PHEX: variants seen among roughly 807,000 people sequenced by gnomAD.
PHEX encodes the protein phosphate regulating endopeptidase X-linked.
PHEX carries 16 observed loss-of-function variants against 68.0 expected under a neutral mutation model. The observed-to-expected ratio is 0.24, with a 90% CI of 0.16 to 0.36. PHEX has a LOEUF of 0.36. PHEX is among the 10% of genes least tolerant of loss of function. The pLI, the probability that PHEX is intolerant of heterozygous loss-of-function variation, is 1.00. For synonymous variants in PHEX, 208 were observed against 205.1 expected (o/e 1.01, Z -0.12); for missense variants, 480 against 575.5 (o/e 0.83, Z 1.70).
chrX:22,036,028 ACACG>A (rs1422561240), intron 1 of PHEX, among the ~76,000 whole-genome samples: 5 of 87,566 alleles, frequency 5.7e-5, no homozygotes, highest in African/African-American at 2.1e-4. Flanking sequence ...ACACACACAC[ACACG>A]TACATATATA....
chrX:22,192,147 G>T (rs1172568927), intron 15 of PHEX, among the ~76,000 whole-genome samples: 1 of 98,036 alleles, frequency 1.0e-5, no homozygotes, highest in Non-Finnish European at 2.0e-5. Flanking sequence ...ATCTCTTAAT[G>T]ATGGCATGCC....
chrX:22,227,438 C>T, intron 19 of PHEX, 69 bp from the exon 20 acceptor site: 1 of 713,476 alleles, frequency 1.4e-6, no homozygotes, highest in Non-Finnish European at 2.3e-6. Flanking sequence ...ATTTGCTATT[C>T]CTGTGCTAGC....
chrX:22,074,197 T>C (rs1431759279), intron 3 of PHEX, among the ~76,000 whole-genome samples: 1 of 110,530 alleles, frequency 9.0e-6, no homozygotes, highest in Admixed American at 9.8e-5. Flanking sequence ...TTACTGCTAA[T>C]TCACATGCAG....
intron 12 of PHEX, among the ~76,000 whole-genome samples, chrX:22,152,197 C>A (rs965434682): frequency 9.1e-6 from 1 of 109,351 alleles, no homozygotes; most frequent in African/African-American, 3.3e-5. Flanking sequence ...GGGTGAGTTG[C>A]GCTCATTTTC....
intron 3 of PHEX, among the ~76,000 whole-genome samples, chrX:22,058,994 A>G (rs918520315): frequency 9.0e-6 from 1 of 111,566 alleles, no homozygotes; most frequent in Non-Finnish European, 1.9e-5. Context: ...TAGTAGAGAC[A>G]GGGTTTCAAC....
intron 8 of PHEX, among the ~76,000 whole-genome samples, 160 bp from the exon 9 acceptor site, chrX:22,098,846 C>T (rs1486073822): frequency 4.4e-5 from 4 of 91,576 alleles, no homozygotes; most frequent in African/African-American, 1.8e-4. Context: ...GTCTGGATGG[C>T]AATGATCAGG....
chrX:22,225,869 A>G (rs1321891866), intron 18 of PHEX, among the ~76,000 whole-genome samples: 1 of 112,210 alleles, frequency 8.9e-6, no homozygotes, highest in African/African-American at 3.2e-5. Flanking sequence ...TTTTTTTACC[A>G]TGCTGGCTGG....
intron 1 of PHEX, among the ~76,000 whole-genome samples, 162 bp downstream of exon 1, chrX:22,033,285 G>T (rs1926883555): frequency 8.9e-6 from 1 of 111,798 alleles, no homozygotes; most frequent in South Asian, 3.7e-4. Flanking sequence ...GATAAAGAAG[G>T]CTTTTTTAAG....
intron 5 of PHEX, among the ~76,000 whole-genome samples, chrX:22,090,084 A>G (rs765689155): frequency 1.4e-4 from 16 of 112,189 alleles, no homozygotes; most frequent in African/African-American, 2.3e-4. Context: ...AGTCACAACA[A>G]TTATCTGGCT....
chrX:22,210,310 T>TCTGG (rs1287597059), intron 15 of PHEX, among the ~76,000 whole-genome samples: 1 of 111,859 alleles, frequency 8.9e-6, no homozygotes, highest in Non-Finnish European at 1.9e-5. Flanking sequence ...AACTCTTGAG[T>TCTGG]CTGGGGCTTC....
intron 9 of PHEX, among the ~76,000 whole-genome samples, chrX:22,107,610 T>A (rs1366878725): frequency 8.9e-6 from 1 of 111,939 alleles, no homozygotes; most frequent in Non-Finnish European, 1.9e-5. Flanking sequence ...CCACCATTAT[T>A]TAGCCTGTCC....
At chrX:22,126,053 G>A (rs1376834243) in intron 11 of PHEX, among the ~76,000 whole-genome samples, 1 of 112,072 alleles carries the variant, frequency 8.9e-6, no homozygotes, top group Admixed American at 9.5e-5. Context: ...CTGAGCATCT[G>A]CTATATTTTA....
At chrX:22,136,826 A>G (rs1043979603) in intron 12 of PHEX, among the ~76,000 whole-genome samples, 5 of 111,656 alleles carry the variant, frequency 4.5e-5, no homozygotes, top group Non-Finnish European at 9.4e-5. Context: ...TGAAGGGTAA[A>G]TTTGTTTTCT....
At chrX:22,107,726 G>C (rs1457666077) in intron 9 of PHEX, among the ~76,000 whole-genome samples, 1 of 112,151 alleles carries the variant, frequency 8.9e-6, no homozygotes, top group Non-Finnish European at 1.9e-5. Context: ...TATCCTTACA[G>C]TGAAGTGTCT....
At chrX:22,142,580 A>G (rs998842457) in intron 12 of PHEX, among the ~76,000 whole-genome samples, 1 of 112,221 alleles carries the variant, frequency 8.9e-6, no homozygotes, top group East Asian at 2.8e-4. Context: ...AGGGAATTGG[A>G]ATCAGCCAAT....
rs140601306 is a variant in PHEX, at chrX:22,198,673, G to C, written c.1645+8171G>C. On this transcript the variant is annotated intron_variant, in intron 15 of 21. Coordinates refer to ENST00000379374, the MANE Select transcript of PHEX (RefSeq NM_000444.6). ...GGGCACAGCTTGCACTGGTGGAAGAGACAGCAAAGGGAGTGATGGGAGATG... is the reference window on the plus strand; with the variant it reads ...GGGCACAGCTTGCACTGGTGGAAGACACAGCAAAGGGAGTGATGGGAGATG... Among the ~76,000 whole-genome samples the C allele has an allele frequency of 4.3e-3, 477 of 111,776 alleles. 1 individual carries two copies. The highest frequency in any genetic ancestry group is 7.2e-3 in the Non-Finnish European group (382 of 53,174).
At chrX:22,081,839 A>G (rs893491263) in intron 5 of PHEX, among the ~76,000 whole-genome samples, 9 of 112,259 alleles carry the variant, frequency 8.0e-5, no homozygotes, top group African/African-American at 2.6e-4. Flanking sequence ...GTTTGGATTT[A>G]TTCTATGTCA....
chrX:22,211,010 A>C (rs1414595242), intron 15 of PHEX, among the ~76,000 whole-genome samples: 1 of 111,271 alleles, frequency 9.0e-6, no homozygotes, highest in African/African-American at 3.3e-5. Flanking sequence ...TTTCAGTCTC[A>C]TGGGGCCTGG....
At position 22,209,940 on chromosome X, in the gene PHEX, T is replaced by TA. The variant is rs200608326; in HGVS notation, c.1646-2949dup. On this transcript the variant is annotated intron_variant, in intron 15 of 21. Coordinates refer to ENST00000379374, the MANE Select transcript of PHEX (RefSeq NM_000444.6). ...AGGTGGCGAGGTGGTGTTGAAATGG[T>TA]AAAAAAAAAAAAAAATAAATAAATA... Among the ~76,000 whole-genome samples, 510 of 91,178 alleles carry TA rather than the reference T, an allele frequency of 5.6e-3. 3 individuals are homozygous for TA. Among genetic ancestry groups the TA allele is most frequent in the African/African-American group, 0.016 (365 of 22,893 alleles). The allele number at this position is 91,178 out of a possible 115,157, so 79.2% of individuals were successfully genotyped here.
Sources: gnomAD v4.1 joint callset for allele counts (sites outside exome capture counted in the v4.1 genomes callset) on GRCh38, gnomAD v4.1.1 for gene constraint, MANE v1.5 for transcripts, NCBI Gene and HGNC (gene_info 2026-07-23, HGNC 2026-07-21) for gene names.